The following KIR3DL3 variants were observed in gnomAD, a reference collection of about 807,000 sequenced individuals.
KIR3DL3 encodes killer cell immunoglobulin like receptor, three Ig domains and long cytoplasmic tail 3.
In KIR3DL3, 27 loss-of-function variants were observed where a neutral mutation model predicts 34.9. The ratio of observed to expected loss-of-function variants is 0.77; its 90% CI spans 0.57 to 1.07. The LOEUF (loss-of-function observed/expected upper bound fraction) is 1.07. KIR3DL3 is among the 50% of genes least tolerant of loss of function. The probability of loss-of-function intolerance (pLI) is 0.00; values close to 1 mark genes in which losing one functional copy is unlikely to be tolerated. For synonymous variants in KIR3DL3, 217 were observed against 200.2 expected (o/e 1.08, Z -0.71); for missense variants, 681 against 528.5 (o/e 1.29, Z -2.83).
At chr19:54,731,959 C>G (rs2068842854) in intron 5 of KIR3DL3, among the ~76,000 whole-genome samples, 1 of 152,212 alleles carries the variant, frequency 6.6e-6, no homozygotes, top group South Asian at 2.1e-4. Flanking sequence ...TTAAGTTCAG[C>G]TGATTAGCAA....
At chr19:54,726,995 C>A (rs1251649492) in intron 3 of KIR3DL3, among the ~76,000 whole-genome samples, 1 of 118,864 alleles carries the variant, frequency 8.4e-6, no homozygotes, top group Non-Finnish European at 1.8e-5. Context: ...AGGTGAAGCA[C>A]AGGTTAAGAA....
At chr19:54,735,904 G>C (rs766792906) in intron 7 of KIR3DL3, 32 bp downstream of exon 7, 15 of 1,605,862 alleles carry the variant, frequency 9.3e-6, no homozygotes, top group Non-Finnish European at 1.3e-5. Context: ...CTCGTGGCTA[G>C]TCTTATTCCC....
Position 54,736,107 on chromosome 19 carries a change from C to G in KIR3DL3, c.*11C>G. On this transcript the variant is annotated 3_prime_UTR_variant, in exon 8 of 8. Transcript: ENST00000291860. ...GATACCAGCGTGTAACACGGAACTT[C>G]CAAATGCTGAGCGCAGATCCAAAGT... The G allele has an allele frequency of 6.2e-7, 1 of 1,612,396 alleles. No individual in the cohort carries two copies. Among genetic ancestry groups the G allele is most frequent in the Non-Finnish European group, 8.5e-7 (1 of 1,179,710 alleles).
intron 3 of KIR3DL3, 92 bp from the exon 4 acceptor site, chr19:54,727,519 G>A: frequency 1.7e-6 from 2 of 1,169,664 alleles, no homozygotes; most frequent in Non-Finnish European, 2.4e-6. Flanking sequence ...GAGAGAGATA[G>A]ACACCATGGA....
rs1184699778 is a variant in KIR3DL3 at position 54,730,431 on chromosome 19, G to A, written c.949+645G>A. On this transcript the variant is annotated intron_variant, in intron 5 of 7. Transcript: ENST00000291860. ...ATAATTATAATGATAATAATTAGCC[G>A]AGCATGGTGGCACATGCCTGTAGTC... Among the ~76,000 whole-genome samples, 133 of 150,080 alleles carry A rather than the reference G, an allele frequency of 8.9e-4. 1 individual carries two copies. The highest frequency in any genetic ancestry group is 2.9e-3 in the African/African-American group (119 of 40,748).
chr19:54,728,748 A>G (rs1257737399), intron 4 of KIR3DL3, among the ~76,000 whole-genome samples: 2 of 150,500 alleles, frequency 1.3e-5, no homozygotes, highest in Non-Finnish European at 3.0e-5. Flanking sequence ...AGGGAAAGAT[A>G]AAGATGTGAG....
chr19:54,733,013 G>A (rs370823005), intron 5 of KIR3DL3, among the ~76,000 whole-genome samples: 2 of 152,330 alleles, frequency 1.3e-5, no homozygotes, highest in East Asian at 1.9e-4. Flanking sequence ...CTGGTGAAAC[G>A]TAGGGTTGAT....
In KIR3DL3 at chr19:54,736,472, C is replaced by G; in HGVS notation, c.*376C>G. On this transcript the variant is annotated 3_prime_UTR_variant, in exon 8 of 8. Coordinates refer to ENST00000291860, the MANE Select transcript of KIR3DL3 (RefSeq NM_153443.5). ...CGATCACACTGAGGAACTCACAATT[C>G]CAAACATATAAGAGGCTCCCTCTTA... 2.8e-6 allele frequency: 1 copy of G among 354,466 alleles called. No homozygotes were observed. Among genetic ancestry groups the G allele is most frequent in the African/African-American group, 2.3e-5 (1 of 43,162 alleles). 22.0% of individuals were successfully genotyped at this position (354,466 alleles called of 1,614,324 possible). A position where few individuals can be genotyped will look rare whatever the true frequency, so the allele number is the denominator to read the frequency against.
chr19:54,736,293 T>C lies in KIR3DL3; in HGVS notation c.*197T>C. 1 of 727,584 alleles carries C rather than the reference T, an allele frequency of 1.4e-6. No homozygotes were observed. The highest frequency in any genetic ancestry group is 2.3e-6 in the Non-Finnish European group (1 of 426,902). The allele number at this position is 727,584 out of a possible 1,614,324, so 45.1% of individuals were successfully genotyped here. ...GCATCGCTCTTCCTCACACCACGAA[T>C]CTGAACATGCCTCTCTCTTGCTTAC... On this transcript the variant is annotated 3_prime_UTR_variant, in exon 8 of 8. Transcript: ENST00000291860.
Position 54,736,084 on chromosome 19 carries a change from T to C in KIR3DL3, c.1221T>C (p.Asp407=), listed in dbSNP as rs2069564386. ...AGAGGCCCAAGACACCCCCAACAGA[T>C]ACCAGCGTGTAACACGGAACTTCCA... The part of the protein sequence containing the change: ...PSQRPKTPPT[D]TSV Residue 407 remains aspartate, a synonymous_variant, in exon 8 of 8, where the codon GAT becomes GAC. Coordinates refer to ENST00000291860, the MANE Select transcript of KIR3DL3 (RefSeq NM_153443.5). 1 of 1,613,310 alleles carries C rather than the reference T, an allele frequency of 6.2e-7. No homozygotes were observed. The highest frequency in any genetic ancestry group is 8.5e-7 in the Non-Finnish European group (1 of 1,179,914).
Position 54,726,211 on chromosome 19 carries a change from C to T in KIR3DL3, c.229C>T (p.Arg77Trp), listed in dbSNP as rs202170060. The change falls in exon 3 of 8, where the codon CGG becomes TGG. Residue 77 changes from arginine to tryptophan, a missense_variant. Physicochemically the swap from Arg to Trp is moderately radical, Grantham distance 101. Transcript: ENST00000291860. ...CCCTGAGCTCTACAACAGAATATTC[C>T]GGAACAGCTTTCTCATGGGCCCTGT... ...PVPELYNRIF[R>W]NSFLMGPVTP... 91,950 of 1,613,422 alleles carry T rather than the reference C, an allele frequency of 0.057. 8,390 individuals are homozygous for T. Among genetic ancestry groups the T allele is most frequent in the East Asian group, 0.51 (23,077 of 44,830 alleles).
intron 5 of KIR3DL3, among the ~76,000 whole-genome samples, chr19:54,733,859 A>G (rs17173055): frequency 0.073 from 11,076 of 152,144 alleles, 1,360 homozygotes; most frequent in African/African-American, 0.25. Context: ...GGTAAACACT[A>G]ATACTCTTTG....
intron 1 of KIR3DL3, among the ~76,000 whole-genome samples, chr19:54,724,785 G>C (rs1333933893): frequency 6.9e-6 from 1 of 145,250 alleles, no homozygotes; most frequent in Non-Finnish European, 1.5e-5. Context: ...CTGGAGTGGA[G>C]ATATTGGCTT....
At position 54,727,708 on chromosome 19, in the gene KIR3DL3, G is replaced by A; in HGVS notation, c.453G>A (p.Glu151=). The A allele has an allele frequency of 6.2e-7, 1 of 1,612,980 alleles. No individual in the cohort carries two copies. The highest frequency in any genetic ancestry group is 1.3e-5 in the African/African-American group (1 of 74,748). ...ILQCWSDVRF[E]RFLLHREGIT... Reference sequence around the variant, plus strand: ...AATGTTGGTCAGATGTCAGGTTTGAGCGCTTCCTTCTGCACAGAGAGGGGA... The same window carrying A: ...AATGTTGGTCAGATGTCAGGTTTGAACGCTTCCTTCTGCACAGAGAGGGGA... Residue 151 remains glutamate, a synonymous_variant, in exon 4 of 8, where the codon GAG becomes GAA. Coordinates refer to ENST00000291860, the MANE Select transcript of KIR3DL3 (RefSeq NM_153443.5).
In KIR3DL3 at chr19:54,729,486, C is replaced by T. The variant is rs1272502122; in HGVS notation, c.656-7C>T. ...CTCCCTGAGGAAACCACCTCTTCTTCTTCCAGGTCTATATGGGAAACCTTC... is the reference window on the plus strand; with the variant it reads ...CTCCCTGAGGAAACCACCTCTTCTTTTTCCAGGTCTATATGGGAAACCTTC... On this transcript the variant is annotated splice_region_variant and splice_polypyrimidine_tract_variant and intron_variant, in intron 4 of 7. Coordinates refer to ENST00000291860, the MANE Select transcript of KIR3DL3 (RefSeq NM_153443.5). The T allele has an allele frequency of 1.9e-6, 3 of 1,573,626 alleles. No homozygotes were observed. The highest frequency in any genetic ancestry group is 2.6e-6 in the Non-Finnish European group (3 of 1,168,410).
At position 54,734,942 on chromosome 19, in the gene KIR3DL3, A is replaced by T. The variant is rs1225937753; in HGVS notation, c.950-311A>T. On this transcript the variant is annotated intron_variant, in intron 5 of 7. Coordinates refer to ENST00000291860, the MANE Select transcript of KIR3DL3 (RefSeq NM_153443.5). ...GCTAACCCCGTCTCCTTGGAACAGC[A>T]TTGATCTGTTCATGATGGATCCACC... 9.1e-5 allele frequency among the ~76,000 whole-genome samples: 13 copies of T among 142,502 alleles called. 1 individual carries two copies. The South Asian group carries it at 1.7e-3, about 19-fold the overall frequency. 93.5% of individuals were successfully genotyped at this position (142,502 alleles called of 152,430 possible).
intron 5 of KIR3DL3, among the ~76,000 whole-genome samples, chr19:54,734,234 G>C (rs1339045703): frequency 5.3e-5 from 8 of 151,600 alleles, no homozygotes; most frequent in Non-Finnish European, 8.8e-5. Context: ...TCCCAATCCA[G>C]TCTTCCCAGA....
intron 3 of KIR3DL3, among the ~76,000 whole-genome samples, chr19:54,726,609 G>A (rs977738260): frequency 6.1e-5 from 9 of 146,472 alleles, no homozygotes; most frequent in African/African-American, 1.0e-4. Flanking sequence ...TTGACCTTGC[G>A]ATGGGGAGAC....
chr19:54,727,205 T>C (rs2068279549), intron 3 of KIR3DL3, among the ~76,000 whole-genome samples: 2 of 118,256 alleles, frequency 1.7e-5, no homozygotes, highest in East Asian at 2.6e-4. Flanking sequence ...GGGACACTGA[T>C]GCCTGCCTTA....
Sources: gnomAD v4.1 joint callset for allele counts (sites outside exome capture counted in the v4.1 genomes callset) on GRCh38, gnomAD v4.1.1 for gene constraint, MANE v1.5 for transcripts, NCBI Gene and HGNC (gene_info 2026-07-23, HGNC 2026-07-21) for gene names.